Variants in DCP1A observed in about 807,000 individuals in gnomAD.
DCP1A encodes mRNA-decapping enzyme 1A.
In DCP1A, 20 loss-of-function variants were observed where a neutral mutation model predicts 58.0. The ratio of observed to expected loss-of-function variants is 0.34; its 90% CI spans 0.24 to 0.50. The LOEUF is 0.50. Ranked by LOEUF, DCP1A falls within the 20% of genes least tolerant of loss-of-function variation. The pLI is 0.98. For missense variants in DCP1A, 613 were observed against 712.2 expected (o/e 0.86, Z 1.59); for synonymous variants, 285 against 275.1 (o/e 1.04, Z -0.36).
chr3:53,292,197 C>T lies in DCP1A; in HGVS notation c.1255G>A (p.Ala419Thr), dbSNP rs781902746. The T allele has an allele frequency of 1.9e-6, 3 of 1,614,006 alleles. No individual in the cohort carries two copies. The East Asian group carries it at 6.7e-5, about 36-fold the overall frequency. Residue 419 changes from alanine to threonine, a missense_variant, in exon 7 of 10, where the codon GCC (alanine) becomes ACC (threonine). By Grantham distance (58) the Ala-to-Thr change is moderately conservative. Coordinates refer to ENST00000610213, the MANE Select transcript of DCP1A (RefSeq NM_018403.7). ...TQPLGKGAMVASFSPAAGQLA... is the reference protein window; with the variant it reads ...TQPLGKGAMVTSFSPAAGQLA... ...TGACCAGCTGCCGGAGAAAAGCTGG[C>T]TACCATTGCACCTTTCCCAAGTGGT... is the stretch of plus-strand genomic sequence containing the variant.
At chr3:53,335,672 G>T (rs1218836556) in intron 3 of DCP1A, among the ~76,000 whole-genome samples, 1 of 151,958 alleles carries the variant, frequency 6.6e-6, no homozygotes, top group African/African-American at 2.4e-5. Flanking sequence ...GATTTCCTCA[G>T]ATATATCTTC....
chr3:53,322,411 A>G (rs1442997566), intron 3 of DCP1A, among the ~76,000 whole-genome samples: 5 of 151,826 alleles, frequency 3.3e-5, no homozygotes, highest in Non-Finnish European at 7.4e-5. Context: ...AGATCACGCC[A>G]CTGCACTCCA....
At chr3:53,304,684 T>C (rs971784867) in intron 5 of DCP1A, among the ~76,000 whole-genome samples, 4 of 152,154 alleles carry the variant, frequency 2.6e-5, no homozygotes, top group Admixed American at 6.5e-5. Context: ...GCGATTCTCC[T>C]GCCTCAGCCT....
At chr3:53,302,950 A>G (rs1488992612) in intron 6 of DCP1A, among the ~76,000 whole-genome samples, 2 of 150,994 alleles carry the variant, frequency 1.3e-5, no homozygotes, top group Non-Finnish European at 2.9e-5. Flanking sequence ...AATTAAATTA[A>G]ATTAAATTAA....
intron 4 of DCP1A, among the ~76,000 whole-genome samples, chr3:53,318,209 A>G (rs868933359): frequency 1.3e-5 from 2 of 152,056 alleles, no homozygotes; most frequent in South Asian, 4.1e-4. Context: ...AGAGGCTGAG[A>G]TGGGAGGATC....
At chr3:53,301,869 T>C (rs1707321858) in intron 6 of DCP1A, among the ~76,000 whole-genome samples, 1 of 152,238 alleles carries the variant, frequency 6.6e-6, no homozygotes, top group African/African-American at 2.4e-5. Context: ...GTTATATATA[T>C]GATTCCATTT....
chr3:53,324,341 G>T (rs1266730715), intron 3 of DCP1A, among the ~76,000 whole-genome samples: 2 of 152,212 alleles, frequency 1.3e-5, no homozygotes, highest in African/African-American at 2.4e-5. Flanking sequence ...CGTGCAACTG[G>T]CAAGAAAGCC....
chr3:53,343,165 C>T (rs553866675), intron 2 of DCP1A, among the ~76,000 whole-genome samples: 1 of 152,280 alleles, frequency 6.6e-6, no homozygotes, highest in Admixed American at 6.5e-5. Context: ...GATTAGGAGA[C>T]AAGCTTTGAA....
At chr3:53,304,953 T>C (rs1231642835) in intron 5 of DCP1A, among the ~76,000 whole-genome samples, 1 of 152,138 alleles carries the variant, frequency 6.6e-6, no homozygotes, top group African/African-American at 2.4e-5. Flanking sequence ...GTTCTATTTA[T>C]GTCCCTATCA....
intron 5 of DCP1A, among the ~76,000 whole-genome samples, chr3:53,311,944 C>T (rs1393675853): frequency 2.8e-5 from 4 of 140,534 alleles, no homozygotes; most frequent in Non-Finnish European, 6.4e-5. Flanking sequence ...TTGTAAGACA[C>T]ATCTGTTTTA....
chr3:53,323,772 G>T (rs1363253933), intron 3 of DCP1A, among the ~76,000 whole-genome samples: 1 of 148,916 alleles, frequency 6.7e-6, no homozygotes, highest in Non-Finnish European at 1.5e-5. Context: ...TAAGGAAGGG[G>T]AATTGCTTAA....
Position 53,285,009 on chromosome 3 carries a change from G to C in DCP1A, c.*2571C>G, listed in dbSNP as rs145208358. ...GCCTGAGAGTCCATTAAAAGACACC[G>C]CATTAACTACAACAAAAAGAAGAGC... On this transcript the variant is annotated 3_prime_UTR_variant, in exon 10 of 10. Coordinates refer to ENST00000610213, the MANE Select transcript of DCP1A (RefSeq NM_018403.7). 2 of 152,080 alleles carry C rather than the reference G, an allele frequency of 1.3e-5. No individual in the cohort carries two copies. The highest frequency in any genetic ancestry group is 4.8e-5 in the African/African-American group (2 of 41,378). 9.4% of individuals were successfully genotyped at this position (152,080 alleles called of 1,614,324 possible). A position where few individuals can be genotyped will look rare whatever the true frequency, so the allele number is the denominator to read the frequency against.
intron 4 of DCP1A, among the ~76,000 whole-genome samples, chr3:53,315,221 C>A (rs782069222): frequency 6.6e-6 from 1 of 152,016 alleles, no homozygotes; most frequent in Non-Finnish European, 1.5e-5. Context: ...GTGGCCAAAC[C>A]GTCAAACAAC....
chr3:53,288,332 C>T (rs564891451), intron 8 of DCP1A, 49 bp from the exon 9 acceptor site: 1 of 1,479,898 alleles, frequency 6.8e-7, no homozygotes. Context: ...AAGCCAGTAG[C>T]CAGGCCCAGA....
chr3:53,293,925 C>T (rs1286444520), intron 6 of DCP1A, among the ~76,000 whole-genome samples: 4 of 152,120 alleles, frequency 2.6e-5, no homozygotes, highest in African/African-American at 4.8e-5. Context: ...GCCCCCCCAC[C>T]GGACCCCCGC....
At chr3:53,289,569 G>A (rs1416085644) in intron 8 of DCP1A, among the ~76,000 whole-genome samples, 1 of 149,582 alleles carries the variant, frequency 6.7e-6, no homozygotes, top group African/African-American at 2.5e-5. Context: ...CTGAGATAGT[G>A]CCACTGCACT....
intron 3 of DCP1A, among the ~76,000 whole-genome samples, chr3:53,340,830 T>A (rs2089191035): frequency 6.6e-6 from 1 of 152,206 alleles, no homozygotes; most frequent in African/African-American, 2.4e-5. Context: ...CTTTGCTGAC[T>A]ACATCCAATC....
At chr3:53,291,206 TG>T (rs1706855920) in intron 7 of DCP1A, among the ~76,000 whole-genome samples, 2 of 152,202 alleles carry the variant, frequency 1.3e-5, no homozygotes, top group African/African-American at 2.4e-5. Context: ...TTAATTTTTG[TG>T]GGTATATAGG....
chr3:53,293,598 AAC>A (rs782359319), intron 6 of DCP1A, among the ~76,000 whole-genome samples: 7 of 152,200 alleles, frequency 4.6e-5, no homozygotes, highest in Non-Finnish European at 1.0e-4. Context: ...GCACTTTGAA[AAC>A]ACAGACAGCC....
Sources: allele counts gnomAD v4.1 joint callset (sites outside exome capture counted in the v4.1 genomes callset), GRCh38; gene constraint gnomAD v4.1.1; transcripts MANE v1.5; gene names NCBI Gene and HGNC (gene_info 2026-07-23, HGNC 2026-07-21).